Variants in APBA2 observed in about 807,000 individuals in gnomAD.
The protein encoded by APBA2 is amyloid beta precursor protein binding family A member 2.
APBA2 carries 30 observed loss-of-function variants against 75.0 expected under a neutral mutation model. That is an observed-to-expected ratio of 0.40 (90% CI 0.30 to 0.54). The LOEUF is 0.54. Among genes scored for constraint, APBA2 ranks in the 20% least tolerant of loss-of-function variants. The pLI, the probability that APBA2 is intolerant of heterozygous loss-of-function variation, is 0.49. For synonymous variants in APBA2, 444 were observed against 409.6 expected, an observed-to-expected ratio of 1.08 and a Z score of -1.01; for missense variants, 801 against 1,016.1, an observed-to-expected ratio of 0.79 and a Z score of 2.88.
At chr15:28,893,108 C>T (rs1305546895) in intron 1 of APBA2, among the ~76,000 whole-genome samples, 2 of 152,230 alleles carry the variant, frequency 1.3e-5, no homozygotes, top group African/African-American at 4.8e-5. Context: ...GAACTGGAAG[C>T]TCTGGGAAGC....
intron 13 of APBA2, 65 bp downstream of exon 13, chr15:29,108,454 C>T (rs767658576): frequency 1.9e-6 from 3 of 1,611,786 alleles, no homozygotes; most frequent in East Asian, 2.2e-5. Context: ...GGGAGCAGCT[C>T]CCGTCCAATG....
intron 3 of APBA2, among the ~76,000 whole-genome samples, chr15:29,023,677 A>G (rs959205328): frequency 2.0e-4 from 30 of 151,316 alleles, no homozygotes; most frequent in Admixed American, 9.9e-4. Context: ...GCTGGTCTTG[A>G]ACTCCTGACC....
intron 3 of APBA2, among the ~76,000 whole-genome samples, chr15:29,025,256 A>T (rs1027358958): frequency 1.4e-5 from 2 of 140,252 alleles, no homozygotes; most frequent in Non-Finnish European, 3.0e-5. Flanking sequence ...AGGAAACAAG[A>T]ATTGGGATTT....
Position 29,054,033 on chromosome 15 carries a change from C to G in APBA2, c.149C>G (p.Ala50Gly), listed in dbSNP as rs763197580. The change falls in exon 4 of 15, where the codon GCC (alanine) becomes GGC (glycine). Residue 50 changes from alanine to glycine, a missense_variant. By Grantham distance (60) the Ala-to-Gly change is moderately conservative. Transcript: ENST00000683413. The surrounding 1 kb of genome is among the most constrained non-coding windows in gnomAD (Gnocchi z 6.1). The stretch of plus-strand genomic sequence containing the variant: ...GTGCCCGAGGGCCTGGAGCTGGCTG[C>G]CCTGCGGCCAGAGAGCCCCGCGCCA... ...GYVPEGLELA[A>G]LRPESPAPEE... 1.2e-6 allele frequency: 2 copies of G among 1,613,788 alleles called. No individual in the cohort carries two copies. The highest frequency in any genetic ancestry group is 8.5e-7 in the Non-Finnish European group (1 of 1,180,004).
intron 2 of APBA2, among the ~76,000 whole-genome samples, chr15:28,973,989 C>T (rs2037205612): frequency 6.6e-6 from 1 of 152,130 alleles, no homozygotes; most frequent in Non-Finnish European, 1.5e-5. Context: ...GAGACCAAAC[C>T]TAGCAGCCGC....
intron 2 of APBA2, among the ~76,000 whole-genome samples, chr15:28,937,752 G>A (rs953148599): frequency 4.6e-5 from 7 of 151,992 alleles, no homozygotes; most frequent in African/African-American, 1.7e-4. Context: ...CGCCTCCTGG[G>A]TTCACGCCAT....
intron 1 of APBA2, among the ~76,000 whole-genome samples, chr15:28,891,363 C>G (rs2032118003): frequency 6.6e-6 from 1 of 152,088 alleles, no homozygotes; most frequent in African/African-American, 2.4e-5. Flanking sequence ...ATGTTTTCTC[C>G]CTGTCTCCTG....
rs574138765 is a variant in APBA2 at position 29,065,162 on chromosome 15, C to T, written c.952-9759C>T. Among the ~76,000 whole-genome samples the T allele has an allele frequency of 9.2e-5, 14 of 152,186 alleles. No individual in the cohort carries two copies. The South Asian group carries it at 1.0e-3, about 11-fold the overall frequency. On this transcript the variant is annotated intron_variant, in intron 4 of 14. Transcript: ENST00000683413. ...CACGTGCGTCTGCTTCTTGAGGCCC[C>T]GTACCTCCCGTTCTTGGGCCTCCGT... is the stretch of plus-strand genomic sequence containing the variant.
In APBA2 at chr15:28,975,679, G is replaced by A. The variant is rs191531602; in HGVS notation, c.-94-20074G>A. On this transcript the variant is annotated intron_variant, in intron 2 of 14. Coordinates refer to ENST00000683413, the MANE Select transcript of APBA2 (RefSeq NM_001353788.2). The stretch of plus-strand genomic sequence containing the variant: ...AAACAAAACAAAACTGCTTTCGCAT[G>A]ATGGGGGAGGGACACCATAAGCAAA... Among the ~76,000 whole-genome samples, 749 of 152,342 alleles carry A rather than the reference G, an allele frequency of 4.9e-3. 16 individuals carry two copies. Among genetic ancestry groups the A allele is most frequent in the Admixed American group, 0.038 (574 of 15,300 alleles).
intron 1 of APBA2, among the ~76,000 whole-genome samples, chr15:28,887,372 A>G (rs147058316): frequency 2.0e-5 from 3 of 152,156 alleles, no homozygotes; most frequent in Non-Finnish European, 4.4e-5. Flanking sequence ...TGATTTTAGA[A>G]ATAATGACCC....
chr15:28,898,841 T>C (rs1270536142), intron 1 of APBA2, among the ~76,000 whole-genome samples: 2 of 152,198 alleles, frequency 1.3e-5, no homozygotes, highest in African/African-American at 4.8e-5. Context: ...GATTTTGCCA[T>C]TACAACAAAT....
chr15:29,006,752 G>C (rs149869717), intron 3 of APBA2, among the ~76,000 whole-genome samples: 4 of 152,154 alleles, frequency 2.6e-5, no homozygotes, highest in Admixed American at 2.6e-4. Flanking sequence ...TACAGTTATC[G>C]CTACCTGGCC....
At chr15:28,996,479 C>T (rs1406139003) in intron 3 of APBA2, among the ~76,000 whole-genome samples, 1 of 152,112 alleles carries the variant, frequency 6.6e-6, no homozygotes, top group Non-Finnish European at 1.5e-5. Flanking sequence ...GGAACAGAGC[C>T]CTGGTGCCAG....
intron 3 of APBA2, among the ~76,000 whole-genome samples, chr15:29,027,034 C>T (rs2040256819): frequency 6.6e-6 from 1 of 152,206 alleles, no homozygotes; most frequent in African/African-American, 2.4e-5. Context: ...CAGGGTGTGC[C>T]ATCTTCCCCT....
intron 2 of APBA2, among the ~76,000 whole-genome samples, chr15:28,964,446 G>T (rs558972681): frequency 6.6e-6 from 1 of 150,722 alleles, no homozygotes; most frequent in Non-Finnish European, 1.5e-5. Context: ...TTTGCCATCT[G>T]TGTATCTTCA....
chr15:29,075,436 G>A (rs1361995890), intron 5 of APBA2, among the ~76,000 whole-genome samples: 2 of 152,052 alleles, frequency 1.3e-5, no homozygotes, highest in Admixed American at 1.3e-4. Flanking sequence ...AGCAGCATCC[G>A]TGGCCTCAAC....
chr15:29,116,671 G>A (rs1441021313), intron 14 of APBA2, among the ~76,000 whole-genome samples: 1 of 150,868 alleles, frequency 6.6e-6, no homozygotes, highest in Non-Finnish European at 1.5e-5. Flanking sequence ...TTCCCCCATT[G>A]AGCTCCTCCT....
chr15:29,010,598 A>G (rs2039355161), intron 3 of APBA2, among the ~76,000 whole-genome samples: 1 of 152,152 alleles, frequency 6.6e-6, no homozygotes, highest in African/African-American at 2.4e-5. Flanking sequence ...CCTTTGCTAG[A>G]TGTACATATT....
In APBA2 at chr15:29,039,098, GGTGTGTGTGTGTGTGTGT is replaced by G. The variant is rs57326919; in HGVS notation, c.-40-14706_-40-14689del. The stretch of plus-strand genomic sequence containing the variant: ...CAGCCTTATTTCAGCTGTATGTCAG[GGTGTGTGTGTGTGTGTGT>G]GTGTGTGTGTGTGTGTGTGTGTGTG... On this transcript the variant is annotated intron_variant, in intron 3 of 14. Transcript: ENST00000683413. Among the ~76,000 whole-genome samples, 331 of 106,288 alleles carry G rather than the reference GGTGTGTGTGTGTGTGTGT, an allele frequency of 3.1e-3. 3 individuals carry two copies. Among genetic ancestry groups the G allele is most frequent in the African/African-American group, 9.9e-3 (282 of 28,374 alleles). 69.7% of individuals were successfully genotyped at this position (106,288 alleles called of 152,430 possible). A position where few individuals can be genotyped will look rare whatever the true frequency, so the allele number is the denominator to read the frequency against.
Sources: allele counts gnomAD v4.1 joint callset (sites outside exome capture counted in the v4.1 genomes callset), GRCh38; gene constraint gnomAD v4.1.1; non-coding constraint Gnocchi (gnomAD v3.1); transcripts MANE v1.5; gene names NCBI Gene and HGNC (gene_info 2026-07-23, HGNC 2026-07-21).